The following GABBR1 variants were observed in gnomAD, a reference collection of about 807,000 sequenced individuals.
The protein encoded by GABBR1 is gamma-aminobutyric acid type B receptor subunit 1.
GABBR1 carries 35 observed loss-of-function variants against 117.7 expected under a neutral mutation model. The observed-to-expected ratio is 0.30, with a 90% CI of 0.23 to 0.39. The LOEUF is 0.39. Ranked by LOEUF, GABBR1 falls within the 10% of genes least tolerant of loss-of-function variation. GABBR1 has a pLI of 1.00. For missense variants in GABBR1, 709 were observed against 1,241.8 expected (o/e 0.57, Z 6.45); for synonymous variants, 442 against 486.6 (o/e 0.91, Z 1.21).
Position 29,605,077 on chromosome 6 carries a change from GAC to G in GABBR1, c.2440-91_2440-90del. On this transcript the variant is annotated intron_variant, in intron 20 of 22. Coordinates refer to ENST00000377034, the MANE Select transcript of GABBR1 (RefSeq NM_001470.4). This position sits in a 1 kb window ranked among gnomAD's most constrained non-coding sequence, Gnocchi z 4.2. ...CTTCCCATGGGAGGGAGTCTATGCA[GAC>G]AGTTTCCTGGTGAACTTTCCCTTTG... 7.5e-7 allele frequency: 1 copy of G among 1,336,126 alleles called. No homozygotes were observed. The highest frequency in any genetic ancestry group is 1.5e-5 in the African/African-American group (1 of 68,504). The allele number at this position is 1,336,126 out of a possible 1,614,324, so 82.8% of individuals were successfully genotyped here. A position where few individuals can be genotyped will look rare whatever the true frequency, so the allele number is the denominator to read the frequency against.
chr6:29,629,404 A>G (rs1198381582), intron 4 of GABBR1, among the ~76,000 whole-genome samples: 1 of 152,136 alleles, frequency 6.6e-6, no homozygotes, highest in Non-Finnish European at 1.5e-5. Flanking sequence ...CAAAATTGGG[A>G]GTCTTTAAGA....
At chr6:29,625,469 C>T (rs1407846834) in intron 6 of GABBR1, among the ~76,000 whole-genome samples, 2 of 152,162 alleles carry the variant, frequency 1.3e-5, no homozygotes, top group Non-Finnish European at 2.9e-5. Flanking sequence ...TTCTTGCAAC[C>T]GTTTCCCTCT....
chr6:29,627,670 C>G lies in GABBR1; in HGVS notation c.497-24G>C, dbSNP rs1179075436. 2.6e-6 allele frequency: 4 copies of G among 1,537,506 alleles called. No homozygotes were observed. The highest frequency in any genetic ancestry group is 8.7e-7 in the Non-Finnish European group (1 of 1,146,872). On this transcript the variant is annotated intron_variant, in intron 5 of 22. Coordinates refer to ENST00000377034, the MANE Select transcript of GABBR1 (RefSeq NM_001470.4). This position sits in a 1 kb window ranked among gnomAD's most constrained non-coding sequence, Gnocchi z 4.4. ...TTCTGAGGAGGGGTGCGGGGGGACCCGCGAGTGAGGCCGCGGGAGATGGGG... is the reference window on the plus strand; with the variant it reads ...TTCTGAGGAGGGGTGCGGGGGGACCGGCGAGTGAGGCCGCGGGAGATGGGG...
intron 6 of GABBR1, 73 bp from the exon 7 acceptor site, chr6:29,624,097 T>C (rs1169047290): frequency 1.4e-6 from 2 of 1,398,230 alleles, no homozygotes; most frequent in Non-Finnish European, 1.9e-6. Flanking sequence ...GCTCTTATCT[T>C]TCTCGAACAA....
intron 11 of GABBR1, among the ~76,000 whole-genome samples, chr6:29,618,018 A>C (rs770667427): frequency 2.6e-5 from 4 of 152,232 alleles, no homozygotes; most frequent in Non-Finnish European, 5.9e-5. Flanking sequence ...AAGTTATACT[A>C]TTAATGAGTA....
In GABBR1 at chr6:29,630,918, C is replaced by T. The variant is rs1483402938; in HGVS notation, c.290-275G>A. Among the ~76,000 whole-genome samples the T allele has an allele frequency of 3.9e-5, 6 of 152,102 alleles. No homozygotes were observed. Among genetic ancestry groups the T allele is most frequent in the African/African-American group, 1.2e-4 (5 of 41,400 alleles). ...TCTCTTCAAAGTCAGCTACAGTGGGCGGTTCTCTGGCTTTGAAATATGTAG... is the reference window on the plus strand; with the variant it reads ...TCTCTTCAAAGTCAGCTACAGTGGGTGGTTCTCTGGCTTTGAAATATGTAG... On this transcript the variant is annotated intron_variant, in intron 3 of 22. Coordinates refer to ENST00000377034, the MANE Select transcript of GABBR1 (RefSeq NM_001470.4). The surrounding 1 kb of genome is among the most constrained non-coding windows in gnomAD (Gnocchi z 4.9).
At position 29,611,116 on chromosome 6, in the gene GABBR1, C is replaced by T; in HGVS notation, c.1631-115G>A. 1.3e-6 allele frequency: 1 copy of T among 782,880 alleles called. No individual in the cohort carries two copies. Among genetic ancestry groups the T allele is most frequent in the Non-Finnish European group, 2.1e-6 (1 of 471,010 alleles). The allele number at this position is 782,880 out of a possible 1,614,324, so 48.5% of individuals were successfully genotyped here. A position where few individuals can be genotyped will look rare whatever the true frequency, so the allele number is the denominator to read the frequency against. On this transcript the variant is annotated intron_variant, in intron 13 of 22. Transcript: ENST00000377034. This position sits in a 1 kb window ranked among gnomAD's most constrained non-coding sequence, Gnocchi z 4.6. ...ATGGTTGTATCTGATTTTATTTTCA[C>T]CTGAGGCCCTAAGGATGCTTGGAAG...
chr6:29,621,638 C>T lies in GABBR1; in HGVS notation c.1131+114G>A, dbSNP rs1024630237. ...CAACAGACAGAGACATCCTATGAATCGTCACCTCAGATCATATGCTATCAA... is the reference window on the plus strand; with the variant it reads ...CAACAGACAGAGACATCCTATGAATTGTCACCTCAGATCATATGCTATCAA... On this transcript the variant is annotated intron_variant, in intron 10 of 22. Transcript: ENST00000377034. The surrounding 1 kb of genome is among the most constrained non-coding windows in gnomAD (Gnocchi z 5.0). 7 of 879,800 alleles carry T rather than the reference C, an allele frequency of 8.0e-6. No individual in the cohort carries two copies. The Middle Eastern group carries it at 6.8e-4, about 85-fold the overall frequency. 54.5% of individuals were successfully genotyped at this position (879,800 alleles called of 1,614,324 possible). A position where few individuals can be genotyped will look rare whatever the true frequency, so the allele number is the denominator to read the frequency against.
intron 11 of GABBR1, among the ~76,000 whole-genome samples, chr6:29,614,981 CAAAAAAAAAAA>C (rs202165362): frequency 1.6e-4 from 13 of 81,158 alleles, no homozygotes; most frequent in Non-Finnish European, 2.9e-4. Context: ...TAAAACTGCT[CAAAAAAAAAAA>C]AAAAAAAAAA....
intron 15 of GABBR1, 48 bp from the exon 16 acceptor site, chr6:29,608,781 T>C: frequency 6.3e-7 from 1 of 1,591,268 alleles, no homozygotes; most frequent in South Asian, 1.1e-5. Context: ...TTACCCCTCT[T>C]CTCCAGGGAG....
rs928976944 is a variant in GABBR1, at chr6:29,630,132, G to A, written c.475+326C>T. ...TGGAAATTTCTAAGTTTAGAGAAAG[G>A]GAAAATTGGAGTATTTAAACCTGAA... On this transcript the variant is annotated intron_variant, in intron 4 of 22. Transcript: ENST00000377034. This position sits in a 1 kb window ranked among gnomAD's most constrained non-coding sequence, Gnocchi z 4.9. 3 of 298,452 alleles carry A rather than the reference G, an allele frequency of 1.0e-5. No individual in the cohort carries two copies. Among genetic ancestry groups the A allele is most frequent in the African/African-American group, 4.3e-5 (2 of 46,668 alleles). 18.5% of individuals were successfully genotyped at this position (298,452 alleles called of 1,614,324 possible).
Position 29,621,117 on chromosome 6 carries a change from C to A in GABBR1, c.1307G>T (p.Arg436Leu). 2.5e-6 allele frequency: 4 copies of A among 1,612,422 alleles called. No homozygotes were observed. Among genetic ancestry groups the A allele is most frequent in the Non-Finnish European group, 3.4e-6 (4 of 1,179,730 alleles). The part of the protein sequence containing the change: ...EIVMLNPANT[R>L]SISNMTSQEF... ...CACTCTCACCATGTTGGAAATGCTGCGGGTATTGGCAGGATTCAGCATGAC... is the reference window on the plus strand; with the variant it reads ...CACTCTCACCATGTTGGAAATGCTGAGGGTATTGGCAGGATTCAGCATGAC... Residue 436 changes from arginine to leucine, a missense_variant, in exon 11 of 23, where the codon CGC becomes CTC. By Grantham distance (102) the Arg-to-Leu change is moderately radical. This residue lies in a region of GABBR1 where 192 missense variants were observed against 418.4 expected (regional missense o/e 0.46). Coordinates refer to ENST00000377034, the MANE Select transcript of GABBR1 (RefSeq NM_001470.4). The surrounding 1 kb of genome is among the most constrained non-coding windows in gnomAD (Gnocchi z 5.0).
chr6:29,632,866 G>C lies in GABBR1; in HGVS notation c.-17C>G, dbSNP rs937309222. 9.8e-5 allele frequency: 28 copies of C among 284,270 alleles called. No individual in the cohort carries two copies. Among genetic ancestry groups the C allele is most frequent in the Non-Finnish European group, 1.4e-4 (22 of 157,546 alleles). 17.6% of individuals were successfully genotyped at this position (284,270 alleles called of 1,614,324 possible). A position where few individuals can be genotyped will look rare whatever the true frequency, so the allele number is the denominator to read the frequency against. ...GGCTCTTACCTCGGCGCGCGGGCCC[G>C]GCTCCCCGGCTCTCCCCGGGCCTCA... On this transcript the variant is annotated 5_prime_UTR_variant, in exon 1 of 23. Transcript: ENST00000377034. The surrounding 1 kb of genome is among the most constrained non-coding windows in gnomAD (Gnocchi z 5.8).
At position 29,621,001 on chromosome 6, in the gene GABBR1, C is replaced by T; in HGVS notation, c.1323+100G>A. 2 of 999,214 alleles carry T rather than the reference C, an allele frequency of 2.0e-6. No individual in the cohort carries two copies. Among genetic ancestry groups the T allele is most frequent in the South Asian group, 3.2e-5 (2 of 62,694 alleles). 61.9% of individuals were successfully genotyped at this position (999,214 alleles called of 1,614,324 possible). ...CACAGCCCCCTCTTCTCCTTTATAT[C>T]CAAATTCCGCACCCTCTCCCTGCCA... is the stretch of plus-strand genomic sequence containing the variant. On this transcript the variant is annotated intron_variant, in intron 11 of 22. Transcript: ENST00000377034. This position sits in a 1 kb window ranked among gnomAD's most constrained non-coding sequence, Gnocchi z 5.0.
At chr6:29,608,574 T>A (rs753174125) in intron 16 of GABBR1, 27 bp downstream of exon 16, 16 of 1,609,060 alleles carry the variant, frequency 9.9e-6, no homozygotes, top group Non-Finnish European at 1.3e-5. Context: ...TCACATCCTG[T>A]AAGGAATTTG....
In GABBR1 at chr6:29,632,416, C is replaced by A. The variant is rs1387219232; in HGVS notation, c.1-31G>T. 14 of 1,334,856 alleles carry A rather than the reference C, an allele frequency of 1.0e-5. No individual in the cohort carries two copies. The highest frequency in any genetic ancestry group is 1.5e-5 in the African/African-American group (1 of 64,754). The allele number at this position is 1,334,856 out of a possible 1,614,324, so 82.7% of individuals were successfully genotyped here. On this transcript the variant is annotated intron_variant, in intron 1 of 22. Coordinates refer to ENST00000377034, the MANE Select transcript of GABBR1 (RefSeq NM_001470.4). This position sits in a 1 kb window ranked among gnomAD's most constrained non-coding sequence, Gnocchi z 5.8. ...TGAGAGGCGGCCATGAGGACTGGACCGAGCCCCGCCGGCGCGGCCCGCACC... is the reference window on the plus strand; with the variant it reads ...TGAGAGGCGGCCATGAGGACTGGACAGAGCCCCGCCGGCGCGGCCCGCACC...
chr6:29,630,671 G>T lies in GABBR1; in HGVS notation c.290-28C>A, dbSNP rs761562802. On this transcript the variant is annotated intron_variant, in intron 3 of 22. Coordinates refer to ENST00000377034, the MANE Select transcript of GABBR1 (RefSeq NM_001470.4). The surrounding 1 kb of genome is among the most constrained non-coding windows in gnomAD (Gnocchi z 4.9). ...GTGGAGAGATAGGAAAATAAGAAGA[G>T]AGGCGAGTTGAAGAAGGCTCTTTCC... 2 of 1,584,748 alleles carry T rather than the reference G, an allele frequency of 1.3e-6. No homozygotes were observed. The highest frequency in any genetic ancestry group is 1.3e-5 in the African/African-American group (1 of 74,292).
At chr6:29,629,358 T>C in intron 4 of GABBR1, 1 of 656,358 alleles carries the variant, frequency 1.5e-6, no homozygotes, top group Non-Finnish European at 2.8e-6. Context: ...TAGCTAAGTT[T>C]GGGGCAGATC....
Position 29,609,522 on chromosome 6 carries a change from T to G in GABBR1, c.1709-143A>C, listed in dbSNP as rs1286197649. 2 of 698,566 alleles carry G rather than the reference T, an allele frequency of 2.9e-6. No individual in the cohort carries two copies. The highest frequency in any genetic ancestry group is 4.8e-6 in the Non-Finnish European group (2 of 414,114). 43.3% of individuals were successfully genotyped at this position (698,566 alleles called of 1,614,324 possible). On this transcript the variant is annotated intron_variant, in intron 14 of 22. Transcript: ENST00000377034. The surrounding 1 kb of genome is among the most constrained non-coding windows in gnomAD (Gnocchi z 4.3). ...TTGGCTGGGGACATGAGGCCCTAAC[T>G]GCACTGGACAGAGGTTACTGCAGGC...
Sources: gnomAD v4.1 joint callset for allele counts (sites outside exome capture counted in the v4.1 genomes callset) on GRCh38, gnomAD v4.1.1 for gene constraint, gnomAD v4.1.1 regional missense constraint, Gnocchi (gnomAD v3.1) non-coding constraint, MANE v1.5 for transcripts, NCBI Gene and HGNC (gene_info 2026-07-23, HGNC 2026-07-21) for gene names.